Variants in TMEM33 observed in about 807,000 individuals in gnomAD.
TMEM33 encodes transmembrane protein 33.
Under a neutral mutation model 29.7 loss-of-function variants are expected in TMEM33, and 16 were observed. The observed-to-expected ratio is 0.54, with a 90% CI of 0.36 to 0.82. TMEM33 has a LOEUF of 0.82. Ranked by LOEUF, TMEM33 falls within the 40% of genes least tolerant of loss-of-function variation. TMEM33 has a pLI of 0.00. For synonymous variants in TMEM33, 112 were observed against 109.4 expected, an observed-to-expected ratio of 1.02 and a Z score of -0.15; for missense variants, 252 against 295.3, an observed-to-expected ratio of 0.85 and a Z score of 1.08.
In TMEM33 at chr4:41,955,446, A is replaced by AT. The variant is rs1423566472; in HGVS notation, c.*1249dup. 2.0e-5 allele frequency: 3 copies of AT among 152,582 alleles called. No individual in the cohort carries two copies. Among genetic ancestry groups the AT allele is most frequent in the Non-Finnish European group, 4.4e-5 (3 of 68,034 alleles). 9.5% of individuals were successfully genotyped at this position (152,582 alleles called of 1,614,324 possible). On this transcript the variant is annotated 3_prime_UTR_variant, in exon 7 of 7. Transcript: ENST00000504986. ...TTGCATGATTGGAAATGTTTAAAAC[A>AT]TTGTACAGTTTTAGTATAGAGAAAT...
upstream of TMEM33, chr4:41,935,297 G>A (rs913248387): frequency 1.5e-6 from 1 of 670,236 alleles, no homozygotes; most frequent in Admixed American, 2.3e-5. Context: ...CCTGGATCCA[G>A]TCGGCTGCAC....
intron 6 of TMEM33, 182 bp from the exon 7 acceptor site, chr4:41,953,888 C>T (rs901488002): frequency 2.5e-5 from 17 of 682,046 alleles, no homozygotes; most frequent in Non-Finnish European, 3.9e-5. Context: ...CAAAGTGTGA[C>T]GCAGAGACAT....
Position 41,959,847 on chromosome 4 carries a change from C to T in TMEM33, c.*5648C>T, listed in dbSNP as rs951169397. 2 of 152,094 alleles carry T rather than the reference C, an allele frequency of 1.3e-5. No homozygotes were observed. Among genetic ancestry groups the T allele is most frequent in the African/African-American group, 4.8e-5 (2 of 41,412 alleles). 9.4% of individuals were successfully genotyped at this position (152,094 alleles called of 1,614,324 possible). ...AATGGCTTGATTTATAAAGGCATTA[C>T]TTTTGGTGCTTTATATAATGGCATA... On this transcript the variant is annotated 3_prime_UTR_variant, in exon 7 of 7. Coordinates refer to ENST00000504986, the MANE Select transcript of TMEM33 (RefSeq NM_018126.3).
At chr4:41,953,821 T>A (rs1230890944) in intron 6 of TMEM33, 1 of 511,900 alleles carries the variant, frequency 2.0e-6, no homozygotes, top group Non-Finnish European at 3.8e-6. Context: ...ACAGAACAGA[T>A]CACAGATCAC....
At chr4:41,947,773 A>G (rs772416140) in intron 5 of TMEM33, among the ~76,000 whole-genome samples, 2 of 152,198 alleles carry the variant, frequency 1.3e-5, no homozygotes, top group Admixed American at 6.5e-5. Flanking sequence ...ACACAGTCTA[A>G]TATTAGGAGG....
At chr4:41,937,112 A>G (rs1712279635) in intron 1 of TMEM33, among the ~76,000 whole-genome samples, 1 of 151,994 alleles carries the variant, frequency 6.6e-6, no homozygotes, top group South Asian at 2.1e-4. Context: ...ATGTATACCA[A>G]TAGACTTTCT....
upstream of TMEM33, chr4:41,935,398 C>A (rs550503875): frequency 3.5e-6 from 5 of 1,433,272 alleles, no homozygotes; most frequent in African/African-American, 5.6e-5. Flanking sequence ...AAGCCGGTAC[C>A]CGGGTCCTGG....
intron 1 of TMEM33, 138 bp from the exon 2 acceptor site, chr4:41,938,464 G>A: frequency 2.7e-6 from 2 of 743,984 alleles, no homozygotes; most frequent in South Asian, 3.4e-5. Context: ...AATTGCCTTA[G>A]AGTTTTCACC....
chr4:41,956,361 T>C lies in TMEM33; in HGVS notation c.*2162T>C, dbSNP rs1415495458. On this transcript the variant is annotated 3_prime_UTR_variant, in exon 7 of 7. Transcript: ENST00000504986. ...CTCTCATGTTAACGTTTTACATAACTGTAGAACATTTATCTAAAGTAAGAT... is the reference window on the plus strand; with the variant it reads ...CTCTCATGTTAACGTTTTACATAACCGTAGAACATTTATCTAAAGTAAGAT... The C allele has an allele frequency of 6.6e-6, 1 of 152,204 alleles. No individual in the cohort carries two copies. Among genetic ancestry groups the C allele is most frequent in the Admixed American group, 6.5e-5 (1 of 15,278 alleles). The allele number at this position is 152,204 out of a possible 1,614,324, so 9.4% of individuals were successfully genotyped here.
At chr4:41,948,757 A>G (rs2153127550) in intron 5 of TMEM33, among the ~76,000 whole-genome samples, 1 of 152,188 alleles carries the variant, frequency 6.6e-6, no homozygotes, top group South Asian at 2.1e-4. Context: ...TGAATGTCTT[A>G]ATTCAGATAG....
rs906792997 is a variant in TMEM33, at chr4:41,954,503, T to TA, written c.*312dup. On this transcript the variant is annotated 3_prime_UTR_variant, in exon 7 of 7. Coordinates refer to ENST00000504986, the MANE Select transcript of TMEM33 (RefSeq NM_018126.3). ...TCATGAAGTACATTAATTTCTCATG[T>TA]AAAAAAAATAGCTCTAAAATTTGTT... The TA allele has an allele frequency of 9.0e-5, 16 of 178,282 alleles. No individual in the cohort carries two copies. The highest frequency in any genetic ancestry group is 3.3e-4 in the African/African-American group (14 of 42,264). 11.0% of individuals were successfully genotyped at this position (178,282 alleles called of 1,614,324 possible).
chr4:41,944,113 T>G (rs889943946), intron 4 of TMEM33: 13 of 329,910 alleles, frequency 3.9e-5, no homozygotes, highest in African/African-American at 2.4e-4. Context: ...TTTGTTGAGT[T>G]GTCAGATCTC....
intron 2 of TMEM33, among the ~76,000 whole-genome samples, 170 bp downstream of exon 2, chr4:41,938,866 T>G (rs1283035536): frequency 6.6e-6 from 1 of 152,238 alleles, no homozygotes; most frequent in East Asian, 1.9e-4. Flanking sequence ...AGGAATATTT[T>G]ATATCTTGTG....
chr4:41,944,735 A>G (rs1266861503), intron 4 of TMEM33, 58 bp from the exon 5 acceptor site: 77 of 1,585,656 alleles, frequency 4.9e-5, no homozygotes, highest in Non-Finnish European at 6.5e-5. Context: ...TACAGAAAGA[A>G]AATATTGTTA....
chr4:41,947,034 G>A (rs1712826493), intron 5 of TMEM33, among the ~76,000 whole-genome samples: 2 of 152,012 alleles, frequency 1.3e-5, no homozygotes, highest in Non-Finnish European at 2.9e-5. Flanking sequence ...TCAAGAGATC[G>A]AGACCATCCT....
At chr4:41,946,426 C>G (rs1712791914) in intron 5 of TMEM33, among the ~76,000 whole-genome samples, 1 of 152,112 alleles carries the variant, frequency 6.6e-6, no homozygotes, top group Admixed American at 6.5e-5. Context: ...ATGTACTTGA[C>G]AGTTACTTCT....
intron 5 of TMEM33, among the ~76,000 whole-genome samples, chr4:41,948,321 C>T (rs1712883317): frequency 6.6e-6 from 1 of 152,010 alleles, no homozygotes; most frequent in Non-Finnish European, 1.5e-5. Flanking sequence ...TGATGGGAAA[C>T]TTGTTTTTTA....
chr4:41,940,612 A>G (rs570163839), intron 3 of TMEM33, among the ~76,000 whole-genome samples: 1 of 152,118 alleles, frequency 6.6e-6, no homozygotes, highest in South Asian at 2.1e-4. Context: ...GATTGAGACC[A>G]TCCTGGCTAA....
chr4:41,935,475 G>A lies in TMEM33; in HGVS notation c.-10G>A. On this transcript the variant is annotated 5_prime_UTR_variant, in exon 1 of 7. The change creates a new upstream start codon in the 5' untranslated region. Coordinates refer to ENST00000504986, the MANE Select transcript of TMEM33 (RefSeq NM_018126.3). ...CGGTTGCGGCGTCGCAGACGCTAGT[G>A]TGAGCCCCCATGGCAGATACGACCC... 1 of 1,607,502 alleles carries A rather than the reference G, an allele frequency of 6.2e-7. No homozygotes were observed. The highest frequency in any genetic ancestry group is 8.5e-7 in the Non-Finnish European group (1 of 1,177,022).
Sources: gnomAD v4.1 joint callset for allele counts (sites outside exome capture counted in the v4.1 genomes callset) on GRCh38, gnomAD v4.1.1 for gene constraint, MANE v1.5 for transcripts, NCBI Gene and HGNC (gene_info 2026-07-23, HGNC 2026-07-21) for gene names.